The following ITGA1 variants were observed in gnomAD, a reference collection of about 807,000 sequenced individuals.
The protein encoded by ITGA1 is integrin subunit alpha 1, also known as integrin alpha-1.
ITGA1 carries 85 observed loss-of-function variants against 145.9 expected under a neutral mutation model. The ratio of observed to expected loss-of-function variants is 0.58; its 90% CI spans 0.49 to 0.70. ITGA1 has a LOEUF of 0.70. Ranked by LOEUF, ITGA1 falls within the 30% of genes least tolerant of loss-of-function variation. The pLI, the probability that ITGA1 is intolerant of heterozygous loss-of-function variation, is 0.00. For missense variants in ITGA1, 1,351 were observed against 1,418.7 expected, an observed-to-expected ratio of 0.95 and a Z score of 0.77; for synonymous variants, 520 against 495.3, an observed-to-expected ratio of 1.05 and a Z score of -0.66.
At chr5:52,831,216 T>G (rs1311800295) in intron 1 of ITGA1, among the ~76,000 whole-genome samples, 1 of 152,084 alleles carries the variant, frequency 6.6e-6, no homozygotes, top group Non-Finnish European at 1.5e-5. Context: ...CACTGCAACC[T>G]CTGCCTCCTG....
At chr5:52,908,722 T>C (rs1750449385) in intron 12 of ITGA1, among the ~76,000 whole-genome samples, 176 bp from the exon 13 acceptor site, 1 of 152,216 alleles carries the variant, frequency 6.6e-6, no homozygotes, top group Non-Finnish European at 1.5e-5. Flanking sequence ...ACTGATATTC[T>C]TTATCCTCAT....
Position 52,840,698 on chromosome 5 carries a change from G to C in ITGA1, c.62-8667G>C, listed in dbSNP as rs948229579. Reference sequence around the variant, plus strand: ...CACCATGAAAGAACAAACTTATGTAGAAAAATTTTAAAGGAAGATTTTTTA... The same window carrying C: ...CACCATGAAAGAACAAACTTATGTACAAAAATTTTAAAGGAAGATTTTTTA... On this transcript the variant is annotated intron_variant, in intron 1 of 28. Coordinates refer to ENST00000282588, the MANE Select transcript of ITGA1 (RefSeq NM_181501.2). 2.0e-5 allele frequency among the ~76,000 whole-genome samples: 3 copies of C among 152,138 alleles called. 1 individual carries two copies. Among genetic ancestry groups the C allele is most frequent in the South Asian group, 4.1e-4 (2 of 4,828 alleles).
At position 52,947,392 on chromosome 5, in the gene ITGA1, A is replaced by G; in HGVS notation, c.3426A>G (p.Leu1142=). The change falls in exon 28 of 29, where the codon TTA becomes TTG. Residue 1142 remains leucine, a synonymous_variant. Transcript: ENST00000282588. ...SKDGLPGRVP[L]WVILLSAFAG... ...ATGGGCTACCGGGCAGAGTGCCATT[A>G]TGGGTCATCCTGCTGAGTGCTTTTG... The G allele has an allele frequency of 1.9e-6, 3 of 1,613,750 alleles. No homozygotes were observed. The highest frequency in any genetic ancestry group is 1.7e-6 in the Non-Finnish European group (2 of 1,179,670).
At chr5:52,834,372 A>G (rs938960138) in intron 1 of ITGA1, among the ~76,000 whole-genome samples, 1 of 151,984 alleles carries the variant, frequency 6.6e-6, no homozygotes, top group African/African-American at 2.4e-5. Flanking sequence ...CTGTCTTGTA[A>G]ATGGCCATCT....
intron 6 of ITGA1, among the ~76,000 whole-genome samples, chr5:52,872,420 G>A (rs560811771): frequency 2.0e-5 from 3 of 152,002 alleles, no homozygotes; most frequent in Admixed American, 6.6e-5. Context: ...AGTGAGTTCA[G>A]AACATTTCCC....
intron 1 of ITGA1, among the ~76,000 whole-genome samples, chr5:52,843,842 C>T (rs930434617): frequency 1.3e-5 from 2 of 152,162 alleles, no homozygotes; most frequent in Non-Finnish European, 2.9e-5. Flanking sequence ...GCAAATCACT[C>T]AACCTCTCTG....
At chr5:52,831,102 G>GA (rs2111720965) in intron 1 of ITGA1, among the ~76,000 whole-genome samples, 1 of 151,812 alleles carries the variant, frequency 6.6e-6, no homozygotes, top group Admixed American at 6.6e-5. Flanking sequence ...TTTTACATAG[G>GA]AATCACCTGT....
chr5:52,894,084 C>T (rs910129113), intron 9 of ITGA1, among the ~76,000 whole-genome samples: 2 of 151,896 alleles, frequency 1.3e-5, no homozygotes, highest in Non-Finnish European at 2.9e-5. Context: ...ATGGGACAGC[C>T]GATGAAGACA....
chr5:52,832,554 A>C (rs903176916), intron 1 of ITGA1, among the ~76,000 whole-genome samples: 2 of 152,206 alleles, frequency 1.3e-5, no homozygotes, highest in African/African-American at 4.8e-5. Context: ...GAGGTCATAA[A>C]TAATTCTACA....
chr5:52,911,136 T>C (rs1261216730), intron 14 of ITGA1, among the ~76,000 whole-genome samples: 12 of 137,162 alleles, frequency 8.7e-5, no homozygotes, highest in African/African-American at 3.2e-4. Context: ...ATAGTTTATA[T>C]ATTGTATATA....
chr5:52,920,873 C>A (rs1038967700), intron 17 of ITGA1, among the ~76,000 whole-genome samples: 4 of 152,156 alleles, frequency 2.6e-5, no homozygotes, highest in African/African-American at 4.8e-5. Context: ...GGGCAGACTG[C>A]TGGGCTGTAT....
Position 52,909,008 on chromosome 5 carries a change from G to T in ITGA1, c.1566G>T (p.Glu522Asp). ...TGTACATGGGAACAGAGAAGGAGGA[G>T]CAAGGAAAAGTGTATGTGTATGCTC... Reference protein sequence around the residue: ...APMYMGTEKEEQGKVYVYALN... With the variant: ...APMYMGTEKEDQGKVYVYALN... Residue 522 changes from glutamate (E) to aspartate (D), a missense_variant, in exon 13 of 29, where the codon GAG becomes GAT. Coordinates refer to ENST00000282588, the MANE Select transcript of ITGA1 (RefSeq NM_181501.2). 1 of 1,613,904 alleles carries T rather than the reference G, an allele frequency of 6.2e-7. No homozygotes were observed. The highest frequency in any genetic ancestry group is 8.5e-7 in the Non-Finnish European group (1 of 1,179,862).
chr5:52,891,199 A>C (rs1286420074), intron 8 of ITGA1, among the ~76,000 whole-genome samples: 1 of 151,882 alleles, frequency 6.6e-6, no homozygotes, highest in Non-Finnish European at 1.5e-5. Flanking sequence ...AGGGGAGTGC[A>C]GATATTTCTT....
At chr5:52,832,165 G>A (rs1749081598) in intron 1 of ITGA1, among the ~76,000 whole-genome samples, 1 of 152,092 alleles carries the variant, frequency 6.6e-6, no homozygotes, top group South Asian at 2.1e-4. Context: ...TCAGACCCAT[G>A]TAAGCTCTTG....
chr5:52,873,796 C>T (rs998245408), intron 6 of ITGA1, among the ~76,000 whole-genome samples: 9 of 152,112 alleles, frequency 5.9e-5, no homozygotes, highest in African/African-American at 1.9e-4. Context: ...ACAAAAACAC[C>T]TCATTGTTTC....
chr5:52,808,453 C>T (rs1167317757), intron 1 of ITGA1, among the ~76,000 whole-genome samples: 1 of 152,088 alleles, frequency 6.6e-6, no homozygotes, highest in Non-Finnish European at 1.5e-5. Context: ...AGTCTACGTT[C>T]CAGAAGTTTT....
chr5:52,896,141 T>C (rs1445673553), intron 9 of ITGA1, among the ~76,000 whole-genome samples: 1 of 152,174 alleles, frequency 6.6e-6, no homozygotes, highest in Non-Finnish European at 1.5e-5. Flanking sequence ...CAAACACCCA[T>C]GAACAGTCCA....
chr5:52,928,202 C>T (rs1054696050), intron 20 of ITGA1, among the ~76,000 whole-genome samples: 3 of 152,098 alleles, frequency 2.0e-5, no homozygotes, highest in South Asian at 2.1e-4. Context: ...CAGGCAAACT[C>T]GAACACCAAG....
In ITGA1 at chr5:52,884,548, C is replaced by A. The variant is rs144460542; in HGVS notation, c.773+2527C>A. On this transcript the variant is annotated intron_variant, in intron 7 of 28. Coordinates refer to ENST00000282588, the MANE Select transcript of ITGA1 (RefSeq NM_181501.2). ...AAGGAAGACATCACTCAAGAGGAAC[C>A]TTTATGATGAAGGTATTGCAGTAAG... Among the ~76,000 whole-genome samples the A allele has an allele frequency of 4.4e-4, 66 of 151,638 alleles. 1 individual carries two copies. The South Asian group carries it at 7.1e-3, about 16-fold the overall frequency.
Sources: gnomAD v4.1 joint callset for allele counts (sites outside exome capture counted in the v4.1 genomes callset) on GRCh38, gnomAD v4.1.1 for gene constraint, MANE v1.5 for transcripts, NCBI Gene and HGNC (gene_info 2026-07-23, HGNC 2026-07-21) for gene names.